PCDHA1: variants seen among roughly 807,000 people sequenced by gnomAD.
PCDHA1 encodes protocadherin alpha 1, also known as protocadherin alpha-1.
PCDHA1 carries 42 observed loss-of-function variants against 61.3 expected under a neutral mutation model. The observed-to-expected ratio is 0.69, with a 90% CI of 0.54 to 0.89. The LOEUF is 0.89. PCDHA1 is among the 40% of genes least tolerant of loss of function. The probability of loss-of-function intolerance (pLI) is 0.00; values close to 1 mark genes in which losing one functional copy is unlikely to be tolerated. For missense variants in PCDHA1, 1,256 were observed against 1,235.3 expected (o/e 1.02, Z -0.25); for synonymous variants, 610 against 553.8 (o/e 1.10, Z -1.43).
In PCDHA1 at chr5:140,834,624, A is replaced by C. The variant is rs2150222938; in HGVS notation, c.2394+45940A>C. On this transcript the variant is annotated intron_variant, in intron 1 of 3. Coordinates refer to ENST00000504120, the MANE Select transcript of PCDHA1 (RefSeq NM_018900.4). ...GGATCTTCTGGAGGTAAATCTGCAG[A>C]ATGGCATTTTGTTTGTGAATTCTCG... 3.7e-6 allele frequency: 6 copies of C among 1,614,104 alleles called. No individual in the cohort carries two copies. The South Asian group carries it at 6.6e-5, about 18-fold the overall frequency.
At position 140,873,044 on chromosome 5, in the gene PCDHA1, A is replaced by T. The variant is rs115529200; in HGVS notation, c.2394+84360A>T. Among the ~76,000 whole-genome samples, 1,019 of 152,290 alleles carry T rather than the reference A, an allele frequency of 6.7e-3. 5 individuals are homozygous for T. Among genetic ancestry groups the T allele is most frequent in the Admixed American group, 0.012 (189 of 15,302 alleles). On this transcript the variant is annotated intron_variant, in intron 1 of 3. Coordinates refer to ENST00000504120, the MANE Select transcript of PCDHA1 (RefSeq NM_018900.4). ...TTCTTACTACACGTAGAGTGGTGGT[A>T]TTACAGACTTTCTTGAGAATCATAT...
intron 1 of PCDHA1, chr5:140,829,519 G>A (rs140453889): frequency 2.7e-5 from 43 of 1,613,306 alleles, no homozygotes; most frequent in Non-Finnish European, 3.6e-5. Flanking sequence ...ACATCTTCAC[G>A]GTGTCTGCGC....
intron 1 of PCDHA1, among the ~76,000 whole-genome samples, chr5:140,948,646 G>A (rs1030231985): frequency 3.3e-5 from 5 of 151,616 alleles, no homozygotes; most frequent in South Asian, 2.1e-4. Context: ...ATCTTTTAAC[G>A]TCTGTATAAT....
At chr5:140,814,743 A>G (rs1554126583) in intron 1 of PCDHA1, 2 of 152,286 alleles carry the variant, frequency 1.3e-5, no homozygotes, top group African/African-American at 4.8e-5. Flanking sequence ...TTATAATCTT[A>G]TGGGACTACT....
chr5:141,009,557 C>T (rs782135260), intron 3 of PCDHA1, 70 bp from the exon 4 acceptor site: 38 of 1,565,272 alleles, frequency 2.4e-5, no homozygotes, highest in Non-Finnish European at 2.8e-5. Flanking sequence ...TACTCCTGTA[C>T]TCTACCAGCA....
In PCDHA1 at chr5:140,786,400, A is replaced by C. The variant is rs782469205; in HGVS notation, c.110A>C (p.Glu37Ala). The C allele has an allele frequency of 1.2e-6, 2 of 1,613,556 alleles. No individual in the cohort carries two copies. Among genetic ancestry groups the C allele is most frequent in the Non-Finnish European group, 1.7e-6 (2 of 1,180,034 alleles). The stretch of plus-strand genomic sequence containing the variant: ...GGCCAGCTCCACTACTCGATCCCGG[A>C]GGAAGCCAAACACGGCACCTTCGTT... ...GSGQLHYSIP[E>A]EAKHGTFVGR... Residue 37 changes from glutamate (E) to alanine (A), a missense_variant, in exon 1 of 4, where the codon GAG (glutamate) becomes GCG (alanine). By Grantham distance (107) the Glu-to-Ala change is moderately radical. Coordinates refer to ENST00000504120, the MANE Select transcript of PCDHA1 (RefSeq NM_018900.4).
At chr5:140,841,736 A>G in intron 1 of PCDHA1, 1 of 1,613,716 alleles carries the variant, frequency 6.2e-7, no homozygotes, top group Non-Finnish European at 8.5e-7. Context: ...AAAAGACCAA[A>G]AGCTGTTTGT....
chr5:140,817,348 A>AG (rs1387838352), intron 1 of PCDHA1: 1 of 152,294 alleles, frequency 6.6e-6, no homozygotes, highest in Non-Finnish European at 1.5e-5. Flanking sequence ...CTTGGAGCCC[A>AG]GGACCCTCTT....
chr5:140,919,613 A>G (rs993064588), intron 1 of PCDHA1, among the ~76,000 whole-genome samples: 1 of 152,270 alleles, frequency 6.6e-6, no homozygotes, highest in South Asian at 2.1e-4. Context: ...TTTAAACTGT[A>G]TCTTTTGAGT....
intron 1 of PCDHA1, chr5:140,830,015 T>C (rs1770748975): frequency 1.7e-5 from 28 of 1,613,788 alleles, no homozygotes; most frequent in Non-Finnish European, 2.4e-5. Flanking sequence ...CGAAGCGGAC[T>C]CTCCGCGCCA....
chr5:140,788,320 A>G lies in PCDHA1; in HGVS notation c.2030A>G (p.Lys677Arg), dbSNP rs781942578. 15 of 1,613,822 alleles carry G rather than the reference A, an allele frequency of 9.3e-6. No homozygotes were observed. The African/African-American group carries it at 9.3e-5, about 10-fold the overall frequency. ...VSLVESGQAP[K>R]ASSRASVGVA... ...CTGGTGGAGAGCGGCCAGGCGCCAAAGGCGTCTTCGCGGGCGTCGGTGGGT... is the reference window on the plus strand; with the variant it reads ...CTGGTGGAGAGCGGCCAGGCGCCAAGGGCGTCTTCGCGGGCGTCGGTGGGT... The change falls in exon 1 of 4, where the codon AAG becomes AGG. Residue 677 changes from lysine (K) to arginine (R), a missense_variant. By Grantham distance (26) the Lys-to-Arg change is conservative. Coordinates refer to ENST00000504120, the MANE Select transcript of PCDHA1 (RefSeq NM_018900.4).
chr5:140,882,818 A>G, intron 1 of PCDHA1: 1 of 1,614,226 alleles, frequency 6.2e-7, no homozygotes, highest in Non-Finnish European at 8.5e-7. Flanking sequence ...GGACGCACAA[A>G]ACAGTCTTGA....
At chr5:140,846,915 C>G (rs1464406518) in intron 1 of PCDHA1, among the ~76,000 whole-genome samples, 1 of 149,458 alleles carries the variant, frequency 6.7e-6, no homozygotes, top group Non-Finnish European at 1.5e-5. Context: ...CAATCATTTC[C>G]TATTTGAATT....
At chr5:140,919,932 C>A (rs2079357842) in intron 1 of PCDHA1, among the ~76,000 whole-genome samples, 1 of 151,968 alleles carries the variant, frequency 6.6e-6, no homozygotes, top group Non-Finnish European at 1.5e-5. Flanking sequence ...CAGGTGGGGG[C>A]TAATTCCAGT....
chr5:140,851,635 T>C (rs2042114429), intron 1 of PCDHA1: 8 of 917,242 alleles, frequency 8.7e-6, no homozygotes, highest in Non-Finnish European at 1.1e-5. Flanking sequence ...AACAAGTGTT[T>C]CCTTTCTTCA....
chr5:140,808,904 A>T (rs1764298132), intron 1 of PCDHA1: 1 of 1,613,488 alleles, frequency 6.2e-7, no homozygotes, highest in East Asian at 2.2e-5. Flanking sequence ...GGCGGGTGGC[A>T]CTGGTGGCGC....
At position 140,788,608 on chromosome 5, in the gene PCDHA1, G is replaced by C. The variant is rs151013660; in HGVS notation, c.2318G>C (p.Ser773Thr). 1.1e-4 allele frequency: 185 copies of C among 1,613,974 alleles called. No individual in the cohort carries two copies. The highest frequency in any genetic ancestry group is 1.5e-4 in the Non-Finnish European group (181 of 1,179,980). The change falls in exon 1 of 4, where the codon AGC becomes ACC. Residue 773 changes from serine to threonine, a missense_variant. Coordinates refer to ENST00000504120, the MANE Select transcript of PCDHA1 (RefSeq NM_018900.4). The stretch of plus-strand genomic sequence containing the variant: ...CCCAAGACCGACCTCATGGCCTTCA[G>C]CCCAGGCCTATCTCCAAGTCTTAAC... ...GPPKTDLMAFSPGLSPSLNTS... is the reference protein window; with the variant it reads ...GPPKTDLMAFTPGLSPSLNTS...
chr5:140,904,939 T>G (rs1418494936), intron 1 of PCDHA1, among the ~76,000 whole-genome samples: 3 of 152,254 alleles, frequency 2.0e-5, no homozygotes, highest in Admixed American at 2.0e-4. Flanking sequence ...TTCTGGATAT[T>G]AGTCCTTTGT....
intron 1 of PCDHA1, chr5:140,814,709 G>C (rs1765568789): frequency 6.6e-6 from 1 of 152,108 alleles, no homozygotes; most frequent in Non-Finnish European, 1.5e-5. Flanking sequence ...ATCATCACTA[G>C]GTGATAGGAA....
Sources: allele counts gnomAD v4.1 joint callset (sites outside exome capture counted in the v4.1 genomes callset), GRCh38; gene constraint gnomAD v4.1.1; transcripts MANE v1.5; gene names NCBI Gene and HGNC (gene_info 2026-07-23, HGNC 2026-07-21).